Variants in LDHC observed in about 807,000 individuals in gnomAD.
LDHC encodes L-lactate dehydrogenase C chain.
In LDHC, 20 loss-of-function variants were observed where a neutral mutation model predicts 30.2. The ratio of observed to expected loss-of-function variants is 0.66; its 90% CI spans 0.47 to 0.96. The LOEUF (loss-of-function observed/expected upper bound fraction) is 0.96, where lower values mean the gene tolerates loss of function less well. Ranked by LOEUF, LDHC falls within the 40% of genes least tolerant of loss-of-function variation. The pLI is 0.00. For synonymous variants in LDHC, 139 were observed against 132.7 expected (o/e 1.05, Z -0.32); for missense variants, 362 against 394.9 (o/e 0.92, Z 0.71).
chr11:18,430,307 T>C (rs1848243095), intron 4 of LDHC, among the ~76,000 whole-genome samples: 1 of 152,212 alleles, frequency 6.6e-6, no homozygotes, highest in Non-Finnish European at 1.5e-5. Flanking sequence ...AAGTATTCTT[T>C]TGTTTATACA....
chr11:18,414,916 A>G (rs1399128495), intron 2 of LDHC, among the ~76,000 whole-genome samples: 3 of 150,524 alleles, frequency 2.0e-5, no homozygotes, highest in Non-Finnish European at 3.0e-5. Flanking sequence ...TCAAACTGTT[A>G]TCTGAATGGC....
rs1434742868 is a variant in LDHC, at chr11:18,438,610, A to G, written c.675A>G (p.Glu225=). ...AATTAGGAACGGATTCAGATAAGGA[A>G]CACTGGAAAAATATCCATAAACAAG... ...DPKLGTDSDK[E]HWKNIHKQVI... Residue 225 remains glutamate, a synonymous_variant, in exon 6 of 8, where the codon GAA becomes GAG. Coordinates refer to ENST00000541669, the MANE Select transcript of LDHC (RefSeq NM_017448.5). The G allele has an allele frequency of 1.2e-6, 2 of 1,610,168 alleles. No individual in the cohort carries two copies. The highest frequency in any genetic ancestry group is 8.5e-7 in the Non-Finnish European group (1 of 1,176,446).
At chr11:18,448,781 A>G (rs1179164554) in intron 7 of LDHC, among the ~76,000 whole-genome samples, 2 of 145,370 alleles carry the variant, frequency 1.4e-5, no homozygotes, top group African/African-American at 5.0e-5. Flanking sequence ...AATTCTCTTT[A>G]AACAATCTCT....
chr11:18,429,546 G>C (rs1423014218), intron 3 of LDHC, among the ~76,000 whole-genome samples, 191 bp from the exon 4 acceptor site: 3 of 152,106 alleles, frequency 2.0e-5, no homozygotes, highest in Non-Finnish European at 4.4e-5. Flanking sequence ...GTGAAATTTG[G>C]CAAGTCATAG....
intron 6 of LDHC, among the ~76,000 whole-genome samples, chr11:18,444,638 A>ATATATATATATG (rs1356045397): frequency 3.4e-5 from 3 of 89,116 alleles, no homozygotes; most frequent in Non-Finnish European, 6.9e-5. Context: ...ATATATATAT[A>ATATATATATATG]TATATATATA....
chr11:18,412,577 C>T (rs561859788), intron 1 of LDHC, 132 bp from the exon 2 acceptor site: 1 of 795,094 alleles, frequency 1.3e-6, no homozygotes, highest in Non-Finnish European at 2.0e-6. Flanking sequence ...TTTACCCTCC[C>T]CGCATCCTTT....
intron 2 of LDHC, among the ~76,000 whole-genome samples, chr11:18,414,487 C>A (rs1866968535): frequency 1.3e-5 from 2 of 152,128 alleles, no homozygotes; most frequent in Non-Finnish European, 2.9e-5. Flanking sequence ...ACGACGCATA[C>A]TAAAAGCAGC....
chr11:18,441,155 A>G (rs1224259882), intron 6 of LDHC, among the ~76,000 whole-genome samples: 2 of 151,918 alleles, frequency 1.3e-5, no homozygotes, highest in Non-Finnish European at 1.5e-5. Flanking sequence ...AACAACAACA[A>G]TATTAAAAGT....
chr11:18,420,548 TCAAGAA>T (rs943801697), intron 3 of LDHC, among the ~76,000 whole-genome samples: 1 of 150,524 alleles, frequency 6.6e-6, no homozygotes, highest in Non-Finnish European at 1.5e-5. Context: ...AAAACATCTT[TCAAGAA>T]CAAGGACAAA....
At chr11:18,441,585 A>G (rs972464227) in intron 6 of LDHC, among the ~76,000 whole-genome samples, 9 of 146,906 alleles carry the variant, frequency 6.1e-5, no homozygotes, top group African/African-American at 2.2e-4. Context: ...GATTACAGGC[A>G]TGAGCCACCA....
intron 2 of LDHC, among the ~76,000 whole-genome samples, chr11:18,414,701 G>A (rs889192316): frequency 1.3e-5 from 2 of 151,996 alleles, no homozygotes; most frequent in East Asian, 1.9e-4. Context: ...GGTGGCGGGC[G>A]CCTGTAATCC....
intron 4 of LDHC, among the ~76,000 whole-genome samples, chr11:18,431,630 CCTT>C (rs1848266436): frequency 6.6e-6 from 1 of 152,096 alleles, no homozygotes; most frequent in Non-Finnish European, 1.5e-5. Flanking sequence ...ACCACAATCT[CCTT>C]GTCGCAGGTT....
At chr11:18,423,664 G>A (rs1287698590) in intron 3 of LDHC, among the ~76,000 whole-genome samples, 3 of 152,086 alleles carry the variant, frequency 2.0e-5, no homozygotes, top group African/African-American at 7.2e-5. Flanking sequence ...GGTAGGGACT[G>A]ATTTAAACAC....
chr11:18,413,981 A>T (rs1275564653), intron 2 of LDHC, among the ~76,000 whole-genome samples: 2 of 152,208 alleles, frequency 1.3e-5, no homozygotes, highest in South Asian at 2.1e-4. Context: ...GTTCACACAT[A>T]TCAAGACATA....
chr11:18,413,264 G>A (rs1866934593), intron 2 of LDHC, among the ~76,000 whole-genome samples: 1 of 151,202 alleles, frequency 6.6e-6, no homozygotes, highest in Non-Finnish European at 1.5e-5. Context: ...TATATTTTTA[G>A]TAGAGATGGG....
At chr11:18,422,603 AGAAAT>A in intron 3 of LDHC, among the ~76,000 whole-genome samples, 1 of 152,070 alleles carries the variant, frequency 6.6e-6, no homozygotes, top group East Asian at 1.9e-4. Flanking sequence ...ACCAGGCAAA[AGAAAT>A]CTAAAGCTAT....
At chr11:18,421,135 C>G (rs1302123284) in intron 3 of LDHC, among the ~76,000 whole-genome samples, 1 of 152,010 alleles carries the variant, frequency 6.6e-6, no homozygotes, top group African/African-American at 2.4e-5. Context: ...CTCTCTGCAC[C>G]CTCCACCTCC....
chr11:18,438,857 G>C (rs1809919822), intron 6 of LDHC, among the ~76,000 whole-genome samples: 1 of 152,138 alleles, frequency 6.6e-6, no homozygotes, highest in African/African-American at 2.4e-5. Context: ...TCATATATTT[G>C]AGAGTAATAA....
At chr11:18,438,467 A>T (rs1848396796) in intron 5 of LDHC, 61 bp from the exon 6 acceptor site, 1 of 1,070,922 alleles carries the variant, frequency 9.3e-7, no homozygotes. Flanking sequence ...AACAACACTG[A>T]ACTCAAACTC....
Sources: gnomAD v4.1 joint callset for allele counts (sites outside exome capture counted in the v4.1 genomes callset) on GRCh38, gnomAD v4.1.1 for gene constraint, MANE v1.5 for transcripts, NCBI Gene and HGNC (gene_info 2026-07-23, HGNC 2026-07-21) for gene names.